Variants in NINJ2 observed in about 807,000 individuals in gnomAD.
NINJ2 encodes ninjurin-2.
A neutral mutation model predicts 11.7 loss-of-function variants in NINJ2; 12 were observed. The ratio of observed to expected loss-of-function variants is 1.02; its 90% CI spans 0.66 to 1.66. The LOEUF (loss-of-function observed/expected upper bound fraction) is 1.66. Ranked by LOEUF, NINJ2 falls within the 40% of genes most tolerant of loss-of-function variation. The pLI, the probability that NINJ2 is intolerant of heterozygous loss-of-function variation, is 0.00. For missense variants in NINJ2, 187 were observed against 181.8 expected (o/e 1.03, Z -0.16); for synonymous variants, 93 against 76.8 (o/e 1.21, Z -1.10).
chr12:574,481 G>A (rs1023450301), intron 1 of NINJ2, among the ~76,000 whole-genome samples: 21 of 152,076 alleles, frequency 1.4e-4, no homozygotes, highest in Admixed American at 9.2e-4. Context: ...ATTGGGTCAC[G>A]AGGGCTCTGC....
chr12:639,545 G>T (rs1030501076), intron 1 of NINJ2, among the ~76,000 whole-genome samples: 1 of 151,988 alleles, frequency 6.6e-6, no homozygotes, highest in Non-Finnish European at 1.5e-5. Flanking sequence ...GTGTAAGAAT[G>T]AACAGAAAAG....
intron 1 of NINJ2, among the ~76,000 whole-genome samples, chr12:578,136 G>A (rs183103383): frequency 6.6e-5 from 10 of 152,276 alleles, no homozygotes; most frequent in African/African-American, 2.2e-4. Context: ...AATTACCGGT[G>A]CATGCAGCCC....
rs201288258 is a variant in NINJ2, at chr12:580,586, CAAAAA to C, written c.34-14413_34-14409del. Among the ~76,000 whole-genome samples, 113 of 144,042 alleles carry C rather than the reference CAAAAA, an allele frequency of 7.8e-4. No individual in the cohort carries two copies. The highest frequency in any genetic ancestry group is 1.6e-3 in the Admixed American group (22 of 14,176). 94.5% of individuals were successfully genotyped at this position (144,042 alleles called of 152,430 possible). On this transcript the variant is annotated intron_variant, in intron 1 of 3. Coordinates refer to ENST00000305108, the MANE Select transcript of NINJ2 (RefSeq NM_016533.6). This position sits in a 1 kb window ranked among gnomAD's most constrained non-coding sequence, Gnocchi z 4.7. ...TGCATGACAGAGAGAGACCCTGTCTCAAAAAAAAAAAAATATATATATATATATAT... is the reference window on the plus strand; with the variant it reads ...TGCATGACAGAGAGAGACCCTGTCTCAAAAAAAATATATATATATATATAT...
intron 1 of NINJ2, among the ~76,000 whole-genome samples, chr12:635,107 G>A (rs1410538096): frequency 1.3e-5 from 2 of 150,438 alleles, no homozygotes; most frequent in African/African-American, 2.5e-5. Flanking sequence ...AGGCTGGAGT[G>A]CAATGGCATG....
intron 1 of NINJ2, among the ~76,000 whole-genome samples, chr12:652,044 G>GA (rs1322954190): frequency 6.6e-6 from 1 of 152,092 alleles, no homozygotes; most frequent in Non-Finnish European, 1.5e-5. Flanking sequence ...AATAATGACT[G>GA]AGCATTTCTC....
chr12:655,616 C>A (rs943846576), intron 1 of NINJ2, among the ~76,000 whole-genome samples: 2 of 152,096 alleles, frequency 1.3e-5, no homozygotes, highest in East Asian at 3.9e-4. Context: ...AATCAAGGAA[C>A]TAAATAAATG....
intron 1 of NINJ2, among the ~76,000 whole-genome samples, chr12:656,313 A>G (rs1440297587): frequency 6.6e-6 from 1 of 150,968 alleles, no homozygotes; most frequent in African/African-American, 2.4e-5. Context: ...GCAGTGAGCC[A>G]AGATTACGTC....
chr12:571,590 C>A (rs193223006), intron 1 of NINJ2, among the ~76,000 whole-genome samples: 1 of 152,396 alleles, frequency 6.6e-6, no homozygotes, highest in East Asian at 1.9e-4. Context: ...CAAGTCCCAG[C>A]TCCTAAGGCT....
At chr12:649,016 A>G (rs1322399584) in intron 1 of NINJ2, among the ~76,000 whole-genome samples, 8 of 150,786 alleles carry the variant, frequency 5.3e-5, no homozygotes, top group Non-Finnish European at 1.2e-4. Flanking sequence ...CTATCTATCT[A>G]TCTATCTATC....
intron 1 of NINJ2, among the ~76,000 whole-genome samples, chr12:598,047 T>C (rs1450448529): frequency 6.6e-6 from 1 of 152,240 alleles, no homozygotes; most frequent in Non-Finnish European, 1.5e-5. Flanking sequence ...GTCTCTCGTA[T>C]ATAAACACAA....
chr12:610,651 GA>G, intron 1 of NINJ2: 2 of 984,936 alleles, frequency 2.0e-6, no homozygotes, highest in South Asian at 9.4e-5. Context: ...TCTAGAGTCT[GA>G]AGGAGACAAC....
intron 1 of NINJ2, among the ~76,000 whole-genome samples, chr12:622,047 G>GGGAGGC (rs1948158870): frequency 1.3e-5 from 2 of 150,934 alleles, no homozygotes; most frequent in African/African-American, 4.9e-5. Flanking sequence ...GCTTGAACCT[G>GGGAGGC]GGAGGCGGAG....
rs145171665 is a variant in NINJ2, at chr12:608,985, C to T, written c.34-42807G>A. On this transcript the variant is annotated intron_variant, in intron 1 of 3. Coordinates refer to ENST00000305108, the MANE Select transcript of NINJ2 (RefSeq NM_016533.6). ...TAATTCAATCTAGGCAACACTCGCTCACAGAAGAATTCATGCACATACACG... is the reference window on the plus strand; with the variant it reads ...TAATTCAATCTAGGCAACACTCGCTTACAGAAGAATTCATGCACATACACG... Among the ~76,000 whole-genome samples the T allele has an allele frequency of 2.0e-4, 31 of 152,272 alleles. No homozygotes were observed. The East Asian group carries it at 5.6e-3, about 27-fold the overall frequency.
In NINJ2 at chr12:654,762, C is replaced by A. The variant is rs191702346; in HGVS notation, c.33+8566G>T. On this transcript the variant is annotated intron_variant, in intron 1 of 3. Coordinates refer to ENST00000305108, the MANE Select transcript of NINJ2 (RefSeq NM_016533.6). ...ACAAAATTAGTCGGGCGTGGTGACA[C>A]CCGCCTGTAATCTCAGCTGCTCGGG... 2.0e-5 allele frequency among the ~76,000 whole-genome samples: 3 copies of A among 151,766 alleles called. No homozygotes were observed. The East Asian group carries it at 5.8e-4, about 29-fold the overall frequency.
chr12:568,336 G>A (rs1947329492), intron 1 of NINJ2, among the ~76,000 whole-genome samples: 1 of 152,164 alleles, frequency 6.6e-6, no homozygotes, highest in Non-Finnish European at 1.5e-5. Flanking sequence ...TAGGCCAACA[G>A]AAGGGAGCCT....
intron 1 of NINJ2, among the ~76,000 whole-genome samples, chr12:599,893 G>A (rs1264245139): frequency 6.6e-6 from 1 of 152,166 alleles, no homozygotes; most frequent in African/African-American, 2.4e-5. Flanking sequence ...GGGCACAGGA[G>A]TAGCCGTGCA....
intron 1 of NINJ2, among the ~76,000 whole-genome samples, chr12:624,285 T>G (rs1948187762): frequency 6.6e-6 from 1 of 152,230 alleles, no homozygotes; most frequent in African/African-American, 2.4e-5. Flanking sequence ...CCAATCCTTC[T>G]GCTTATGTAT....
At chr12:601,502 CAG>C (rs2120908244) in intron 1 of NINJ2, among the ~76,000 whole-genome samples, 1 of 150,968 alleles carries the variant, frequency 6.6e-6, no homozygotes, top group South Asian at 2.1e-4. Flanking sequence ...GAGCCAAGAT[CAG>C]GCCACTGCAC....
chr12:630,397 C>T (rs935279387), intron 1 of NINJ2, among the ~76,000 whole-genome samples: 42 of 150,764 alleles, frequency 2.8e-4, no homozygotes, highest in African/African-American at 1.0e-3. Flanking sequence ...TTTTTTGAGA[C>T]GGAGTCTCGC....
Sources: gnomAD v4.1 joint callset for allele counts (sites outside exome capture counted in the v4.1 genomes callset) on GRCh38, gnomAD v4.1.1 for gene constraint, Gnocchi (gnomAD v3.1) non-coding constraint, MANE v1.5 for transcripts, NCBI Gene and HGNC (gene_info 2026-07-23, HGNC 2026-07-21) for gene names.